SSBP3: variants seen among roughly 807,000 people sequenced by gnomAD.
SSBP3 encodes the protein single stranded DNA binding protein 3, also known as single-stranded DNA-binding protein 3.
Under a neutral mutation model 69.6 loss-of-function variants are expected in SSBP3, and 5 were observed. That is an observed-to-expected ratio of 0.07 (90% CI 0.04 to 0.15). The LOEUF (loss-of-function observed/expected upper bound fraction) is 0.15. Ranked by LOEUF, SSBP3 falls within the 10% of genes least tolerant of loss-of-function variation. SSBP3 has a pLI of 1.00. For missense variants in SSBP3, 312 were observed against 534.0 expected, an observed-to-expected ratio of 0.58 and a Z score of 4.10; for synonymous variants, 196 against 193.4, an observed-to-expected ratio of 1.01 and a Z score of -0.11.
chr1:54,380,802 G>A (rs987144397), intron 4 of SSBP3, among the ~76,000 whole-genome samples: 4 of 152,164 alleles, frequency 2.6e-5, no homozygotes, highest in African/African-American at 9.7e-5. Context: ...CTGACAGAGT[G>A]TGGGCACCTG....
In SSBP3 at chr1:54,289,463, T is replaced by C. The variant is rs746052560; in HGVS notation, c.277-7936A>G. Among the ~76,000 whole-genome samples, 28 of 152,198 alleles carry C rather than the reference T, an allele frequency of 1.8e-4. 1 individual carries two copies. The highest frequency in any genetic ancestry group is 3.4e-3 in the Middle Eastern group (1 of 292). Reference sequence around the variant, plus strand: ...AGATGCATCAGCAAACACTCGCTTCTGGGGCCACCCAGACTGCGCTGTGCT... The same window carrying C: ...AGATGCATCAGCAAACACTCGCTTCCGGGGCCACCCAGACTGCGCTGTGCT... On this transcript the variant is annotated intron_variant, in intron 4 of 17. Coordinates refer to ENST00000610401, the Ensembl canonical transcript of SSBP3.
intron 5 of SSBP3, among the ~76,000 whole-genome samples, chr1:54,267,511 G>A (rs1216792905): frequency 1.3e-5 from 2 of 152,236 alleles, no homozygotes; most frequent in South Asian, 4.1e-4. Context: ...AGTGACCACA[G>A]AACAGTCACA....
chr1:54,262,201 GC>G (rs1361295518), intron 5 of SSBP3, among the ~76,000 whole-genome samples: 7 of 152,146 alleles, frequency 4.6e-5, no homozygotes, highest in Non-Finnish European at 4.4e-5. Context: ...ACCTACATAA[GC>G]TCATCTAATC....
At chr1:54,390,068 G>A (rs776209436) in intron 4 of SSBP3, among the ~76,000 whole-genome samples, 11 of 151,974 alleles carry the variant, frequency 7.2e-5, no homozygotes, top group African/African-American at 2.2e-4. Flanking sequence ...CCTGGCATAC[G>A]GTTAGCACTC....
intron 6 of SSBP3, among the ~76,000 whole-genome samples, chr1:54,257,556 C>T (rs1644944218): frequency 6.6e-6 from 1 of 152,122 alleles, no homozygotes; most frequent in African/African-American, 2.4e-5. Flanking sequence ...ATCTTAAGGG[C>T]CTGCAGACAA....
At chr1:54,299,012 A>T (rs553755988) in intron 4 of SSBP3, among the ~76,000 whole-genome samples, 1 of 151,392 alleles carries the variant, frequency 6.6e-6, no homozygotes, top group East Asian at 2.0e-4. Context: ...GGAGATACAA[A>T]CACTCACAAG....
At chr1:54,281,179 G>A (rs778863460) in intron 5 of SSBP3, among the ~76,000 whole-genome samples, 4 of 152,180 alleles carry the variant, frequency 2.6e-5, no homozygotes, top group Non-Finnish European at 4.4e-5. Flanking sequence ...TCGCGCCTAC[G>A]AAGCTGGCAT....
chr1:54,331,294 G>A lies in SSBP3; in HGVS notation c.277-49767C>T, dbSNP rs563436055. Among the ~76,000 whole-genome samples the A allele has an allele frequency of 3.3e-5, 5 of 152,262 alleles. No individual in the cohort carries two copies. The South Asian group carries it at 8.3e-4, about 25-fold the overall frequency. On this transcript the variant is annotated intron_variant, in intron 4 of 17. Transcript: ENST00000610401. ...CAGACCAGATGCCCAACCACTTCCA[G>A]ATGCTACAGTCTCGGATATCCTTGG...
At chr1:54,384,164 C>T (rs1386025695) in intron 4 of SSBP3, among the ~76,000 whole-genome samples, 1 of 150,932 alleles carries the variant, frequency 6.6e-6, no homozygotes. Context: ...GGGCTTCTAG[C>T]CCGAGAGGCC....
At chr1:54,287,961 C>CACAA (rs1341529029) in intron 4 of SSBP3, among the ~76,000 whole-genome samples, 1 of 152,154 alleles carries the variant, frequency 6.6e-6, no homozygotes, top group Admixed American at 6.5e-5. Flanking sequence ...ACAGGAGTGA[C>CACAA]ACAAGATCCC....
In SSBP3 at chr1:54,369,316, G is replaced by GA. The variant is rs201357718; in HGVS notation, c.276+32544_276+32545insT. ...ACGGGATTGGGGGGACGGGGGTGGGGGGGCACAAACTGGGAGGCCTGCCTA... is the reference window on the plus strand; with the variant it reads ...ACGGGATTGGGGGGACGGGGGTGGGGAGGGCACAAACTGGGAGGCCTGCCTA... On this transcript the variant is annotated intron_variant, in intron 4 of 17. Coordinates refer to ENST00000610401, the Ensembl canonical transcript of SSBP3. Among the ~76,000 whole-genome samples the GA allele has an allele frequency of 2.6e-3, 379 of 144,170 alleles. 2 individuals are homozygous for GA. Among genetic ancestry groups the GA allele is most frequent in the African/African-American group, 9.2e-3 (355 of 38,474 alleles). The allele number at this position is 144,170 out of a possible 152,430, so 94.6% of individuals were successfully genotyped here.
chr1:54,326,119 C>A (rs1646298690), intron 4 of SSBP3, among the ~76,000 whole-genome samples: 1 of 152,164 alleles, frequency 6.6e-6, no homozygotes, highest in African/African-American at 2.4e-5. Context: ...AAATCTCCCT[C>A]CTGGAGCTCA....
At chr1:54,343,148 G>C (rs997450072) in intron 4 of SSBP3, among the ~76,000 whole-genome samples, 3 of 152,190 alleles carry the variant, frequency 2.0e-5, no homozygotes, top group Admixed American at 6.5e-5. Context: ...GGGGGAAGAG[G>C]GGAGGCTGTG....
At chr1:54,380,243 T>C (rs150683958) in intron 4 of SSBP3, among the ~76,000 whole-genome samples, 1 of 152,114 alleles carries the variant, frequency 6.6e-6, no homozygotes, top group Non-Finnish European at 1.5e-5. Flanking sequence ...CGCTCTGTGG[T>C]CTGGACAGGC....
At chr1:54,255,387 AG>A (rs1425981907) in intron 7 of SSBP3, among the ~76,000 whole-genome samples, 1 of 152,172 alleles carries the variant, frequency 6.6e-6, no homozygotes, top group Non-Finnish European at 1.5e-5. Flanking sequence ...GACCAAGAAG[AG>A]CTCCTGGGTG....
At chr1:54,272,021 T>G (rs893647672) in intron 5 of SSBP3, among the ~76,000 whole-genome samples, 3 of 152,082 alleles carry the variant, frequency 2.0e-5, no homozygotes, top group African/African-American at 4.8e-5. Context: ...CTGCCCACCT[T>G]GACCTCCAAA....
At chr1:54,238,121 C>T in intron 14 of SSBP3, 1 of 470,568 alleles carries the variant, frequency 2.1e-6, no homozygotes, top group South Asian at 1.5e-5. Context: ...AGTGAGGACC[C>T]TGGCAACGGA....
At chr1:54,378,862 C>T (rs1048432817) in intron 4 of SSBP3, among the ~76,000 whole-genome samples, 2 of 152,214 alleles carry the variant, frequency 1.3e-5, no homozygotes, top group Non-Finnish European at 2.9e-5. Context: ...TTATCCTCCT[C>T]CGAGGAAGGA....
intron 5 of SSBP3, among the ~76,000 whole-genome samples, chr1:54,276,608 C>CACAA (rs1553129772): frequency 3.7e-4 from 13 of 35,212 alleles, no homozygotes; most frequent in African/African-American, 1.2e-3. Context: ...GACTCTGTCT[C>CACAA]AAAAAAAAAA....
Sources: gnomAD v4.1 joint callset for allele counts (sites outside exome capture counted in the v4.1 genomes callset) on GRCh38, gnomAD v4.1.1 for gene constraint, MANE v1.5 for transcripts, NCBI Gene and HGNC (gene_info 2026-07-23, HGNC 2026-07-21) for gene names.